SYT14: variants seen among roughly 807,000 people sequenced by gnomAD.
SYT14 encodes synaptotagmin 14, also known as synaptotagmin-14.
Under a neutral mutation model 74.2 loss-of-function variants are expected in SYT14, and 32 were observed. That is an observed-to-expected ratio of 0.43 (90% confidence interval 0.33 to 0.58). SYT14 has a LOEUF of 0.58. Among genes scored for constraint, SYT14 ranks in the 20% least tolerant of loss-of-function variants. The pLI is 0.05. For missense variants in SYT14, 791 were observed against 981.8 expected, an observed-to-expected ratio of 0.81 and a Z score of 2.60; for synonymous variants, 298 against 337.7, an observed-to-expected ratio of 0.88 and a Z score of 1.29.
intron 5 of SYT14, among the ~76,000 whole-genome samples, chr1:210,033,822 G>A (rs985227171): frequency 1.3e-5 from 2 of 151,754 alleles, no homozygotes; most frequent in African/African-American, 4.8e-5. Flanking sequence ...CTTTGGAAAT[G>A]CTTCTTTAAG....
chr1:210,051,300 G>A (rs1204262500), intron 5 of SYT14, among the ~76,000 whole-genome samples: 1 of 152,240 alleles, frequency 6.6e-6, no homozygotes, highest in East Asian at 1.9e-4. Flanking sequence ...TATCCAATAA[G>A]GTTGTACAGT....
At chr1:210,106,728 A>G (rs2082164930) in intron 7 of SYT14, among the ~76,000 whole-genome samples, 1 of 152,134 alleles carries the variant, frequency 6.6e-6, no homozygotes, top group Non-Finnish European at 1.5e-5. Context: ...TGGGAACTAC[A>G]ATCCAAGGTG....
chr1:210,016,518 A>G (rs2080187190), exon 4 of SYT14: 1 of 1,232,088 alleles, frequency 8.1e-7, no homozygotes, highest in African/African-American at 1.5e-5. Flanking sequence ...GAAAGTACTG[A>G]CAGATGTAAA....
At chr1:210,151,570 T>C (rs1028129493) in intron 7 of SYT14, among the ~76,000 whole-genome samples, 9 of 149,404 alleles carry the variant, frequency 6.0e-5, no homozygotes, top group African/African-American at 2.2e-4. Flanking sequence ...TTACTGCTTT[T>C]CTTGTACTGA....
chr1:210,132,646 C>CT lies in SYT14; in HGVS notation c.2035-23072dup, dbSNP rs2082701441. Among the ~76,000 whole-genome samples, 3 of 150,744 alleles carry CT rather than the reference C, an allele frequency of 2.0e-5. No individual in the cohort carries two copies. In the South Asian group the frequency reaches 6.3e-4, roughly 32 times the overall value. On this transcript the variant is annotated intron_variant, in intron 7 of 9. Coordinates refer to ENST00000637265, the Ensembl canonical transcript of SYT14. ...TGACCATTACGCACATGTGGCCATA[C>CT]TTTATGTCTCAGATAATTCAGATAT...
At chr1:210,107,836 A>T (rs1050308438) in intron 7 of SYT14, among the ~76,000 whole-genome samples, 2 of 151,928 alleles carry the variant, frequency 1.3e-5, no homozygotes, top group African/African-American at 4.8e-5. Context: ...CAGGATGTTT[A>T]CCTAATAGCA....
intron 2 of SYT14, among the ~76,000 whole-genome samples, chr1:209,992,024 T>A (rs1050768168): frequency 6.6e-6 from 1 of 152,180 alleles, no homozygotes; most frequent in Non-Finnish European, 1.5e-5. Flanking sequence ...GGAAAATAAA[T>A]CATTATATCA....
chr1:210,035,634 G>A (rs535979270), intron 5 of SYT14, among the ~76,000 whole-genome samples: 57 of 151,928 alleles, frequency 3.8e-4, no homozygotes, highest in African/African-American at 1.3e-3. Context: ...TCTGCATATA[G>A]CAGAGGAATG....
chr1:210,133,705 G>A (rs12062268), intron 7 of SYT14, among the ~76,000 whole-genome samples: 4,899 of 152,024 alleles, frequency 0.032, 560 homozygotes, highest in Admixed American at 0.23. Flanking sequence ...TGTGCAAGGT[G>A]GAGGTGAATA....
intron 5 of SYT14, among the ~76,000 whole-genome samples, chr1:210,045,488 T>C (rs1419241061): frequency 1.3e-5 from 2 of 152,204 alleles, no homozygotes; most frequent in East Asian, 3.8e-4. Flanking sequence ...TAAAATTAAC[T>C]TTAAATACAG....
At chr1:210,153,317 C>G (rs1207806772) in intron 7 of SYT14, among the ~76,000 whole-genome samples, 1 of 152,000 alleles carries the variant, frequency 6.6e-6, no homozygotes, top group Non-Finnish European at 1.5e-5. Context: ...CCCCTGATTA[C>G]TAATGAAGTC....
chr1:210,086,121 T>C (rs747167320), intron 5 of SYT14, among the ~76,000 whole-genome samples: 3 of 152,162 alleles, frequency 2.0e-5, no homozygotes, highest in Non-Finnish European at 2.9e-5. Context: ...TGTGGAGTTA[T>C]TTTATAGAGG....
intron 2 of SYT14, among the ~76,000 whole-genome samples, chr1:209,964,014 G>C (rs143690039): frequency 4.9e-4 from 74 of 152,162 alleles, no homozygotes; most frequent in African/African-American, 1.7e-3. Context: ...TGTTATACAC[G>C]CTTGGGTCAG....
chr1:210,112,462 C>T (rs562225043), intron 7 of SYT14, among the ~76,000 whole-genome samples: 1 of 151,424 alleles, frequency 6.6e-6, no homozygotes, highest in African/African-American at 2.5e-5. Context: ...CCTATGAGGC[C>T]GGAAGGAGAT....
chr1:210,118,140 T>C (rs2082394021), intron 7 of SYT14, among the ~76,000 whole-genome samples: 1 of 152,218 alleles, frequency 6.6e-6, no homozygotes. Context: ...GGAAAGAGAA[T>C]ACTACTTGAC....
intron 8 of SYT14, among the ~76,000 whole-genome samples, chr1:210,157,805 A>AAACCT (rs2083298158): frequency 6.6e-6 from 1 of 151,868 alleles, no homozygotes; most frequent in Admixed American, 6.6e-5. Context: ...AAGGAGGGGT[A>AAACCT]ACTTTTTTAT....
At chr1:210,009,506 C>CT (rs564911872) in intron 2 of SYT14, among the ~76,000 whole-genome samples, 14 of 146,946 alleles carry the variant, frequency 9.5e-5, no homozygotes, top group South Asian at 4.4e-4. Flanking sequence ...GGGAAAGCTG[C>CT]TTTTTTTTTT....
intron 2 of SYT14, among the ~76,000 whole-genome samples, chr1:209,954,363 A>G (rs1012520924): frequency 6.6e-6 from 1 of 152,106 alleles, no homozygotes; most frequent in African/African-American, 2.4e-5. Flanking sequence ...GTAGTTCTCA[A>G]AGTATGCTTT....
chr1:209,971,404 G>A (rs2079253961), intron 2 of SYT14, among the ~76,000 whole-genome samples: 1 of 151,896 alleles, frequency 6.6e-6, no homozygotes, highest in African/African-American at 2.4e-5. Context: ...GCTCTAGGTA[G>A]GACTTCCAGT....
Sources: allele counts gnomAD v4.1 joint callset (sites outside exome capture counted in the v4.1 genomes callset), GRCh38; gene constraint gnomAD v4.1.1; transcripts MANE v1.5; gene names NCBI Gene and HGNC (gene_info 2026-07-23, HGNC 2026-07-21).